Variants in ANKRD30A observed in about 807,000 individuals in gnomAD.
The protein encoded by ANKRD30A is ankyrin repeat domain 30A.
Under a neutral mutation model 166.3 loss-of-function variants are expected in ANKRD30A, and 170 were observed. The observed-to-expected ratio is 1.02, with a 90% CI of 0.90 to 1.16. The LOEUF (loss-of-function observed/expected upper bound fraction) is 1.16, where lower values mean the gene tolerates loss of function less well. Ranked by LOEUF, ANKRD30A falls within the 50% of genes most tolerant of loss-of-function variation. The probability of loss-of-function intolerance (pLI) is 0.00; values close to 1 mark genes in which losing one functional copy is unlikely to be tolerated. For missense variants in ANKRD30A, 1,630 were observed against 1,518.0 expected, an observed-to-expected ratio of 1.07 and a Z score of -1.23; for synonymous variants, 564 against 508.9, an observed-to-expected ratio of 1.11 and a Z score of -1.46.
At chr10:37,225,539 C>T (rs1843106852) in intron 34 of ANKRD30A, among the ~76,000 whole-genome samples, 1 of 151,760 alleles carries the variant, frequency 6.6e-6, no homozygotes, top group South Asian at 2.1e-4. Context: ...TACTTTTTAA[C>T]TAGTTTGAGG....
the ANKRD30A span, among the ~76,000 whole-genome samples, chr10:37,249,800 G>A: frequency 6.6e-6 from 1 of 152,180 alleles, no homozygotes; most frequent in African/African-American, 2.4e-5. Context: ...GTGAGGTTAA[G>A]AAATTGGGAC....
At chr10:37,152,007 AT>A in intron 11 of ANKRD30A, 52 bp from the exon 12 acceptor site, 1 of 1,481,844 alleles carries the variant, frequency 6.7e-7, no homozygotes, top group African/African-American at 1.4e-5. Flanking sequence ...TGTTTTTAAA[AT>A]TTATAGTAGA....
chr10:37,166,884 G>A (rs1310382341), intron 19 of ANKRD30A, among the ~76,000 whole-genome samples, 189 bp downstream of exon 19: 1 of 152,124 alleles, frequency 6.6e-6, no homozygotes, highest in Non-Finnish European at 1.5e-5. Flanking sequence ...GAGTGCTGAA[G>A]CGGAGCTGAA....
intron 34 of ANKRD30A, among the ~76,000 whole-genome samples, chr10:37,220,390 T>C (rs1842847013): frequency 6.6e-6 from 1 of 151,206 alleles, no homozygotes; most frequent in Admixed American, 6.6e-5. Context: ...ATTTGAAGTA[T>C]ACATTTCTGC....
At chr10:37,233,740 A>G (rs751842884), downstream of ANKRD30A, among the ~76,000 whole-genome samples, 2 of 152,134 alleles carry the variant, frequency 1.3e-5, no homozygotes, top group Non-Finnish European at 2.9e-5. Context: ...GAAGATGCCT[A>G]CTAGAGTTGC....
chr10:37,211,101 CT>C (rs1842286410), intron 31 of ANKRD30A, among the ~76,000 whole-genome samples: 1 of 151,384 alleles, frequency 6.6e-6, no homozygotes, highest in South Asian at 2.1e-4. Flanking sequence ...GGTTTTAGGT[CT>C]TATGTTTAAG....
In ANKRD30A at chr10:37,206,433, TTAAG is replaced by T. The variant is rs568687166; in HGVS notation, c.2869+5110_2869+5113del. Reference sequence around the variant, plus strand: ...GATATGTTTTGTTGATATTATTTATTTAAGTGAGATAAATTTGAATATGAATCCA... The same window carrying T: ...GATATGTTTTGTTGATATTATTTATTTGAGATAAATTTGAATATGAATCCA... On this transcript the variant is annotated intron_variant, in intron 31 of 35. Coordinates refer to ENST00000361713, the MANE Select transcript of ANKRD30A (RefSeq NM_052997.3). 1.8e-3 allele frequency among the ~76,000 whole-genome samples: 267 copies of T among 152,354 alleles called. No individual in the cohort carries two copies. In the Middle Eastern group the frequency reaches 0.02, roughly 12 times the overall value.
chr10:37,165,404 T>G (rs1839243330), intron 18 of ANKRD30A, among the ~76,000 whole-genome samples: 1 of 152,220 alleles, frequency 6.6e-6, no homozygotes, highest in Non-Finnish European at 1.5e-5. Context: ...GGCTTAGAAT[T>G]CACTAGAAAT....
Position 37,162,815 on chromosome 10 carries a change from T to C in ANKRD30A, c.1969T>C (p.Leu657=). 1.2e-6 allele frequency: 2 copies of C among 1,613,714 alleles called. No individual in the cohort carries two copies. The highest frequency in any genetic ancestry group is 1.1e-5 in the South Asian group (1 of 91,054). Residue 657 remains leucine, a synonymous_variant, in exon 17 of 36, where the codon TTG becomes CTG. Coordinates refer to ENST00000361713, the MANE Select transcript of ANKRD30A (RefSeq NM_052997.3). ...GCAAAAGTCTGTCCCAAATAAAGCC[T>C]TGGAATTGAAAAATGAACAAACATT... The part of the protein sequence containing the change: ...EMQKSVPNKA[L]ELKNEQTLRA...
chr10:37,208,877 A>G (rs1331605781), intron 31 of ANKRD30A, among the ~76,000 whole-genome samples: 1 of 152,218 alleles, frequency 6.6e-6, no homozygotes, highest in Admixed American at 6.5e-5. Context: ...ACAGGATATC[A>G]GCACACGACT....
At chr10:37,230,538 C>T (rs1403574519) in intron 34 of ANKRD30A, among the ~76,000 whole-genome samples, 2 of 151,978 alleles carry the variant, frequency 1.3e-5, no homozygotes, top group African/African-American at 2.4e-5. Flanking sequence ...GTAGTATTGT[C>T]ATTAAATGGC....
chr10:37,252,968 T>G, the ANKRD30A span, among the ~76,000 whole-genome samples: 1 of 152,222 alleles, frequency 6.6e-6, no homozygotes, highest in Non-Finnish European at 1.5e-5. Context: ...AGTCTAAGAA[T>G]CAACCAGCAT....
chr10:37,152,346 T>C (rs961990991), intron 12 of ANKRD30A, among the ~76,000 whole-genome samples: 3 of 152,266 alleles, frequency 2.0e-5, no homozygotes, highest in African/African-American at 4.8e-5. Flanking sequence ...CAAAGTGGTA[T>C]AGTGTAAAAA....
intron 29 of ANKRD30A, among the ~76,000 whole-genome samples, chr10:37,199,465 G>T (rs1343120813): frequency 6.6e-6 from 1 of 152,018 alleles, no homozygotes; most frequent in East Asian, 1.9e-4. Flanking sequence ...GTATGTGACT[G>T]CTTTGTGAAG....
the ANKRD30A span, among the ~76,000 whole-genome samples, chr10:37,248,720 CAG>C: frequency 2.0e-5 from 3 of 146,468 alleles, no homozygotes; most frequent in African/African-American, 7.6e-5. Context: ...TTTAATGAAA[CAG>C]AGAATCAGCA....
intron 5 of ANKRD30A, among the ~76,000 whole-genome samples, chr10:37,134,494 C>G (rs553821126): frequency 6.6e-6 from 1 of 152,104 alleles, no homozygotes; most frequent in South Asian, 2.1e-4. Flanking sequence ...TGAAACTGCC[C>G]CTGCAGTCTA....
chr10:37,237,731 A>G, the ANKRD30A span, among the ~76,000 whole-genome samples: 1 of 152,222 alleles, frequency 6.6e-6, no homozygotes, highest in Non-Finnish European at 1.5e-5. Flanking sequence ...TGCTCTGGCA[A>G]TGTTTAATAT....
chr10:37,232,139 ATTAT>A (rs1212044194), intron 35 of ANKRD30A, among the ~76,000 whole-genome samples: 2 of 152,050 alleles, frequency 1.3e-5, no homozygotes, highest in Non-Finnish European at 2.9e-5. Context: ...GTAGATGTTC[ATTAT>A]TTAAAGTAAT....
At chr10:37,183,572 A>G (rs1344653303) in intron 24 of ANKRD30A, among the ~76,000 whole-genome samples, 1 of 147,160 alleles carries the variant, frequency 6.8e-6, no homozygotes, top group East Asian at 2.0e-4. Flanking sequence ...TTGGTTACAG[A>G]TTCATTCTGT....
Sources: allele counts gnomAD v4.1 joint callset (sites outside exome capture counted in the v4.1 genomes callset), GRCh38; gene constraint gnomAD v4.1.1; transcripts MANE v1.5; gene names NCBI Gene and HGNC (gene_info 2026-07-23, HGNC 2026-07-21).